Variants in CUL4A observed in about 807,000 individuals in gnomAD.
CUL4A encodes the protein cullin 4A, also known as cullin-4A.
A neutral mutation model predicts 95.5 loss-of-function variants in CUL4A; 16 were observed. The ratio of observed to expected loss-of-function variants is 0.17; its 90% confidence interval spans 0.11 to 0.25. The LOEUF (loss-of-function observed/expected upper bound fraction) is 0.25, where lower values mean the gene tolerates loss of function less well. Ranked by LOEUF, CUL4A falls within the 10% of genes least tolerant of loss-of-function variation. CUL4A has a pLI of 1.00. For synonymous variants in CUL4A, 380 were observed against 353.1 expected (o/e 1.08, Z -0.85); for missense variants, 610 against 937.0 (o/e 0.65, Z 4.56).
At chr13:113,231,981 C>T (rs1302861662) in intron 5 of CUL4A, among the ~76,000 whole-genome samples, 1 of 132,356 alleles carries the variant, frequency 7.6e-6, no homozygotes, top group African/African-American at 3.2e-5. Flanking sequence ...ATAATACTAC[C>T]ACCACCACCC....
intron 18 of CUL4A, among the ~76,000 whole-genome samples, chr13:113,260,160 C>T (rs1046021472): frequency 4.1e-4 from 48 of 118,488 alleles, no homozygotes; most frequent in African/African-American, 1.4e-3. Context: ...GCCGAGATCG[C>T]GCCACTGCAC....
In CUL4A at chr13:113,210,169, C is replaced by T. The variant is rs150994922; in HGVS notation, c.264+81C>T. The T allele has an allele frequency of 1.6e-3, 1,422 of 915,268 alleles. 19 individuals are homozygous for T. In the African/African-American group the frequency reaches 0.023, roughly 15 times the overall value. 56.7% of individuals were successfully genotyped at this position (915,268 alleles called of 1,614,324 possible). A position where few individuals can be genotyped will look rare whatever the true frequency, so the allele number is the denominator to read the frequency against. On this transcript the variant is annotated intron_variant, in intron 2 of 19. Transcript: ENST00000375440. Reference sequence around the variant, plus strand: ...GGCCGGGCGGCCGCTCCGGGTGCCTCGCAGGCTCTCGCCGGGGAGCGGAAA... The same window carrying T: ...GGCCGGGCGGCCGCTCCGGGTGCCTTGCAGGCTCTCGCCGGGGAGCGGAAA...
intron 4 of CUL4A, among the ~76,000 whole-genome samples, chr13:113,229,130 A>C: frequency 6.6e-6 from 1 of 152,164 alleles, no homozygotes; most frequent in East Asian, 1.9e-4. Context: ...AGACAAAAAA[A>C]AGAAAAATGA....
At position 113,225,682 on chromosome 13, in the gene CUL4A, G is replaced by C. The variant is rs969964427; in HGVS notation, c.369-2294G>C. Among the ~76,000 whole-genome samples, 5 of 152,376 alleles carry C rather than the reference G, an allele frequency of 3.3e-5. No individual in the cohort carries two copies. The South Asian group carries it at 6.2e-4, about 19-fold the overall frequency. On this transcript the variant is annotated intron_variant, in intron 3 of 19. Transcript: ENST00000375440. ...GCTGTGGCCCGCCTGCCCGCAGAGA[G>C]GCTTGCTGGGAGGTCCAGGCCGCAG...
chr13:113,248,049 G>A (rs2041901332), intron 15 of CUL4A, among the ~76,000 whole-genome samples: 1 of 152,134 alleles, frequency 6.6e-6, no homozygotes, highest in South Asian at 2.1e-4. Context: ...GTGCCCCAGT[G>A]TCTTGGTGAC....
chr13:113,228,545 G>A (rs932307567), intron 4 of CUL4A, among the ~76,000 whole-genome samples: 1 of 152,142 alleles, frequency 6.6e-6, no homozygotes, highest in Admixed American at 6.5e-5. Context: ...GACGATGGGT[G>A]TATTTCTTTT....
At chr13:113,248,270 C>G (rs2041906973) in intron 15 of CUL4A, among the ~76,000 whole-genome samples, 1 of 152,100 alleles carries the variant, frequency 6.6e-6, no homozygotes, top group Admixed American at 6.5e-5. Context: ...TCTATCATTT[C>G]TCTATATTTA....
intron 12 of CUL4A, 63 bp from the exon 13 acceptor site, chr13:113,244,886 G>A: frequency 3.0e-6 from 3 of 1,000,544 alleles, no homozygotes; most frequent in Non-Finnish European, 4.7e-6. Context: ...GTTGAAGTTT[G>A]AAGTTTAACA....
intron 2 of CUL4A, among the ~76,000 whole-genome samples, chr13:113,216,975 C>T (rs771158618): frequency 1.3e-5 from 2 of 152,086 alleles, no homozygotes; most frequent in Non-Finnish European, 2.9e-5. Context: ...CAGTATGACT[C>T]ATATGAATAG....
chr13:113,217,891 A>G (rs747083669), intron 2 of CUL4A, among the ~76,000 whole-genome samples: 10 of 152,204 alleles, frequency 6.6e-5, no homozygotes. Flanking sequence ...ATGTACAAGC[A>G]TTGTTTCTTT....
chr13:113,227,803 G>T (rs1156609492), intron 3 of CUL4A, among the ~76,000 whole-genome samples, 173 bp from the exon 4 acceptor site: 1 of 151,960 alleles, frequency 6.6e-6, no homozygotes, highest in East Asian at 1.9e-4. Flanking sequence ...TACTCAAGAG[G>T]CTGAGGCAGG....
intron 2 of CUL4A, 86 bp from the exon 3 acceptor site, chr13:113,218,859 G>T: frequency 1.2e-6 from 1 of 869,314 alleles, no homozygotes; most frequent in Non-Finnish European, 1.8e-6. Flanking sequence ...TTTTTCTTAT[G>T]ATTACAGCTA....
In CUL4A at chr13:113,260,870, T is replaced by G; in HGVS notation, c.2184+111T>G. On this transcript the variant is annotated intron_variant, in intron 19 of 19. Transcript: ENST00000375440. ...TTTGACCTGCATTATTCATGGTGCTTTGTGTATACACTGAATGTAGAAAAA... is the reference window on the plus strand; with the variant it reads ...TTTGACCTGCATTATTCATGGTGCTGTGTGTATACACTGAATGTAGAAAAA... 6 of 845,400 alleles carry G rather than the reference T, an allele frequency of 7.1e-6. No homozygotes were observed. In the South Asian group the frequency reaches 1.1e-4, roughly 15 times the overall value. The allele number at this position is 845,400 out of a possible 1,614,324, so 52.4% of individuals were successfully genotyped here. A position where few individuals can be genotyped will look rare whatever the true frequency, so the allele number is the denominator to read the frequency against.
Position 113,263,681 on chromosome 13 carries a change from TG to T in CUL4A, c.*101del, listed in dbSNP as rs2042347694. ...TCTGGGACTCTGATTGATCCAGCTG[TG>T]GACATTGGAAGGCGAAGGAAGGGAG... On this transcript the variant is annotated 3_prime_UTR_variant, in exon 20 of 20. Transcript: ENST00000375440. 1 of 680,246 alleles carries T rather than the reference TG, an allele frequency of 1.5e-6. No individual in the cohort carries two copies. The highest frequency in any genetic ancestry group is 1.9e-5 in the African/African-American group (1 of 53,772). The allele number at this position is 680,246 out of a possible 1,614,324, so 42.1% of individuals were successfully genotyped here.
intron 15 of CUL4A, among the ~76,000 whole-genome samples, chr13:113,246,330 T>C (rs551633408): frequency 6.6e-6 from 1 of 152,208 alleles, no homozygotes; most frequent in Non-Finnish European, 1.5e-5. Flanking sequence ...AGTTATGGCT[T>C]ATTAAGCTGC....
intron 5 of CUL4A, among the ~76,000 whole-genome samples, chr13:113,232,154 G>GTCACCACTACCCACCCACCACTATTA (rs1566343441): frequency 6.4e-5 from 1 of 15,736 alleles, no homozygotes; most frequent in African/African-American, 2.3e-4. Flanking sequence ...CACCATTACT[G>GTCACCACTACCCACCCACCACTATTA]CTGCCACCAC....
At chr13:113,219,647 G>C (rs1050217227) in intron 3 of CUL4A, 1 of 152,512 alleles carries the variant, frequency 6.6e-6, no homozygotes, top group African/African-American at 2.4e-5. Flanking sequence ...CTCACAGCAC[G>C]ACTCTTTTCT....
At chr13:113,224,584 C>CT (rs745818934) in intron 3 of CUL4A, among the ~76,000 whole-genome samples, 9 of 152,234 alleles carry the variant, frequency 5.9e-5, no homozygotes, top group Non-Finnish European at 1.3e-4. Context: ...CCAGTTTCCT[C>CT]TAAGTGTGCC....
At chr13:113,222,828 A>C (rs1412476863) in intron 3 of CUL4A, among the ~76,000 whole-genome samples, 1 of 152,182 alleles carries the variant, frequency 6.6e-6, no homozygotes, top group African/African-American at 2.4e-5. Context: ...CGAGCCCAGG[A>C]GGCCGAGGCT....
Sources: allele counts gnomAD v4.1 joint callset (sites outside exome capture counted in the v4.1 genomes callset), GRCh38; gene constraint gnomAD v4.1.1; transcripts MANE v1.5; gene names NCBI Gene and HGNC (gene_info 2026-07-23, HGNC 2026-07-21).